The following HIVEP2 variants were observed in gnomAD, a reference collection of about 807,000 sequenced individuals.
HIVEP2 encodes the protein transcription factor HIVEP2.
A neutral mutation model predicts 180.7 loss-of-function variants in HIVEP2; 14 were observed. The observed-to-expected ratio is 0.08, with a 90% CI of 0.05 to 0.12. The LOEUF (loss-of-function observed/expected upper bound fraction) is 0.12, where lower values mean the gene tolerates loss of function less well. Ranked by LOEUF, HIVEP2 falls within the 10% of genes least tolerant of loss-of-function variation. The pLI, the probability that HIVEP2 is intolerant of heterozygous loss-of-function variation, is 1.00. For synonymous variants in HIVEP2, 1,184 were observed against 1,136.4 expected, an observed-to-expected ratio of 1.04 and a Z score of -0.84; for missense variants, 2,579 against 3,008.5, an observed-to-expected ratio of 0.86 and a Z score of 3.34.
intron 2 of HIVEP2, among the ~76,000 whole-genome samples, chr6:142,833,929 A>C (rs1466011944): frequency 1.3e-5 from 2 of 152,202 alleles, no homozygotes; most frequent in Non-Finnish European, 2.9e-5. Context: ...ACCAAACAGA[A>C]GACTTGTATG....
chr6:142,772,593 T>C lies in HIVEP2; in HGVS notation c.2146A>G (p.Ile716Val), dbSNP rs1177639572. 1 of 1,614,246 alleles carries C rather than the reference T, an allele frequency of 6.2e-7. No individual in the cohort carries two copies. Among genetic ancestry groups the C allele is most frequent in the Non-Finnish European group, 8.5e-7 (1 of 1,180,046 alleles). ...ATGATGCCCACAGGAGTGCTTACAA[T>C]GCTGCTGCAGATCATGGGCGTGTCC... ...EEDTPMICSSIVSTPVGIMAS... is the reference protein window; with the variant it reads ...EEDTPMICSSVVSTPVGIMAS... Residue 716 changes from isoleucine (I) to valine (V), a missense_variant, in exon 5 of 10, where the codon ATT becomes GTT. Physicochemically the swap from Ile to Val is conservative, Grantham distance 29. Coordinates refer to ENST00000367603, the MANE Select transcript of HIVEP2 (RefSeq NM_006734.4). This position sits in a 1 kb window ranked among gnomAD's most constrained non-coding sequence, Gnocchi z 4.9.
intron 1 of HIVEP2, among the ~76,000 whole-genome samples, chr6:142,880,058 A>G (rs929346974): frequency 1.3e-5 from 2 of 152,132 alleles, no homozygotes; most frequent in Non-Finnish European, 2.9e-5. Flanking sequence ...CATCTCTCCT[A>G]TAATGGTGCT....
At chr6:142,800,866 C>T (rs1156491520) in intron 2 of HIVEP2, among the ~76,000 whole-genome samples, 4 of 152,114 alleles carry the variant, frequency 2.6e-5, no homozygotes, top group Non-Finnish European at 5.9e-5. Flanking sequence ...CTATAACAGA[C>T]AATAGCTTTA....
intron 7 of HIVEP2, among the ~76,000 whole-genome samples, chr6:142,763,314 C>T (rs1775299339): frequency 6.6e-6 from 1 of 152,106 alleles, no homozygotes; most frequent in Non-Finnish European, 1.5e-5. Context: ...AGGGATTGGT[C>T]ATGCAAGGGC....
In HIVEP2 at chr6:142,774,562, T is replaced by TCA; in HGVS notation, c.176_177insTG (p.Ser60AspfsTer100). 6.2e-7 allele frequency: 1 copy of TCA among 1,614,242 alleles called. No homozygotes were observed. The highest frequency in any genetic ancestry group is 8.5e-7 in the Non-Finnish European group (1 of 1,180,034). ...TCCCAGAACCAAACAGTTGTGCTGA[T>TCA]GCTGTGTTTCCGATTTGCTCAGGCT... On this transcript the variant is annotated frameshift_variant, in exon 5 of 10. Coordinates refer to ENST00000367603, the MANE Select transcript of HIVEP2 (RefSeq NM_006734.4). LOFTEE classifies it high-confidence loss of function. This position sits in a 1 kb window ranked among gnomAD's most constrained non-coding sequence, Gnocchi z 5.1.
In HIVEP2 at chr6:142,773,297, C is replaced by T. The variant is rs1775603632; in HGVS notation, c.1442G>A (p.Ser481Asn). 2 of 1,614,090 alleles carry T rather than the reference C, an allele frequency of 1.2e-6. No individual in the cohort carries two copies. The change falls in exon 5 of 10, where the codon AGC (serine) becomes AAC (asparagine). Residue 481 changes from serine to asparagine, a missense_variant. Physicochemically the swap from Ser to Asn is conservative, Grantham distance 46. This residue lies in a region of HIVEP2 where 524 missense variants were observed against 563.6 expected (regional missense o/e 0.93). Coordinates refer to ENST00000367603, the MANE Select transcript of HIVEP2 (RefSeq NM_006734.4). ...TTGACTGGGGTCGACATCTCCCTTG[C>T]TTGGGATCAGCTGTGAAACAGGATC... The part of the protein sequence containing the change: ...FEDPVSQLIP[S>N]KGDVDPSQTS...
intron 2 of HIVEP2, chr6:142,787,998 C>T (rs921664849): frequency 1.3e-5 from 2 of 152,136 alleles, no homozygotes; most frequent in African/African-American, 4.8e-5. Flanking sequence ...AAAAATGACA[C>T]CAAAGCTACA....
intron 1 of HIVEP2, among the ~76,000 whole-genome samples, chr6:142,897,590 C>T (rs1188129919): frequency 6.6e-6 from 1 of 152,154 alleles, no homozygotes; most frequent in African/African-American, 2.4e-5. Context: ...AAGTCAGACA[C>T]ACACACATGA....
intron 9 of HIVEP2, among the ~76,000 whole-genome samples, chr6:142,757,388 C>T (rs746511236): frequency 2.0e-5 from 3 of 152,162 alleles, no homozygotes; most frequent in Non-Finnish European, 4.4e-5. Flanking sequence ...CAGCCAGGTG[C>T]GATGGCTCAC....
intron 2 of HIVEP2, among the ~76,000 whole-genome samples, chr6:142,810,459 T>C (rs1017310987): frequency 6.6e-6 from 1 of 151,988 alleles, no homozygotes; most frequent in Non-Finnish European, 1.5e-5. Flanking sequence ...CTTGAGTTTA[T>C]AGAAAAACAT....
intron 6 of HIVEP2, among the ~76,000 whole-genome samples, chr6:142,767,223 A>T (rs1193578137): frequency 1.3e-5 from 2 of 152,192 alleles, no homozygotes; most frequent in African/African-American, 4.8e-5. Flanking sequence ...TGATTCAGTC[A>T]CAGGGACCTC....
intron 9 of HIVEP2, among the ~76,000 whole-genome samples, chr6:142,755,549 G>C (rs1775043486): frequency 6.6e-6 from 1 of 152,114 alleles, no homozygotes. Flanking sequence ...GCTATTCCAT[G>C]ACCTCCATTG....
intron 2 of HIVEP2, among the ~76,000 whole-genome samples, chr6:142,805,607 C>T (rs998134436): frequency 4.6e-5 from 7 of 151,800 alleles, no homozygotes; most frequent in African/African-American, 1.7e-4. Flanking sequence ...AGGCGAGGAC[C>T]TTATACAGAA....
intron 1 of HIVEP2, among the ~76,000 whole-genome samples, chr6:142,843,130 G>C (rs1198963386): frequency 6.6e-6 from 1 of 152,176 alleles, no homozygotes; most frequent in Middle Eastern, 3.2e-3. Context: ...GTCACCAGGG[G>C]AGCTTGTTAA....
At chr6:142,824,095 T>G (rs7768492) in intron 2 of HIVEP2, among the ~76,000 whole-genome samples, 3,711 of 152,272 alleles carry the variant, frequency 0.024, 164 homozygotes, top group African/African-American at 0.083. Flanking sequence ...TTACATTACA[T>G]GCTTAAATCC....
chr6:142,845,894 A>T (rs978547970), intron 1 of HIVEP2, among the ~76,000 whole-genome samples: 2 of 152,250 alleles, frequency 1.3e-5, no homozygotes, highest in Admixed American at 6.5e-5. Flanking sequence ...AAAAGAGAGC[A>T]CAGCAAAGCT....
chr6:142,810,325 T>A (rs1037189134), intron 2 of HIVEP2, among the ~76,000 whole-genome samples: 1 of 152,222 alleles, frequency 6.6e-6, no homozygotes, highest in African/African-American at 2.4e-5. Context: ...AAAATCAATC[T>A]TAAGAATTTA....
chr6:142,925,288 T>C (rs748756393), intron 1 of HIVEP2, among the ~76,000 whole-genome samples: 4 of 152,214 alleles, frequency 2.6e-5, no homozygotes, highest in Non-Finnish European at 4.4e-5. Context: ...TGTCCCCAAA[T>C]TGTTTAACTG....
Position 142,760,198 on chromosome 6 carries a change from T to G in HIVEP2, c.6090A>C (p.Ser2030=). The G allele has an allele frequency of 6.2e-7, 1 of 1,614,146 alleles. No individual in the cohort carries two copies. Among genetic ancestry groups the G allele is most frequent in the South Asian group, 1.1e-5 (1 of 91,088 alleles). ...SCMDEECMLP[S]EPSSSPRDFS... ...AGTCCCTGGGAGAGGAGCTTGGCTCTGAAGGTAGCATGCACTCCTCATCCA... is the reference window on the plus strand; with the variant it reads ...AGTCCCTGGGAGAGGAGCTTGGCTCGGAAGGTAGCATGCACTCCTCATCCA... Residue 2030 remains serine (S), a synonymous_variant, in exon 9 of 10, where the codon TCA becomes TCC. Coordinates refer to ENST00000367603, the MANE Select transcript of HIVEP2 (RefSeq NM_006734.4).
Sources: allele counts gnomAD v4.1 joint callset (sites outside exome capture counted in the v4.1 genomes callset), GRCh38; gene constraint gnomAD v4.1.1; regional missense constraint gnomAD v4.1.1; non-coding constraint Gnocchi (gnomAD v3.1); transcripts MANE v1.5; gene names NCBI Gene and HGNC (gene_info 2026-07-23, HGNC 2026-07-21).